KAT7: variants seen among roughly 807,000 people sequenced by gnomAD.
KAT7 encodes the protein histone acetyltransferase KAT7.
In KAT7, 10 loss-of-function variants were observed where a neutral mutation model predicts 82.1. The observed-to-expected ratio is 0.12, with a 90% CI of 0.08 to 0.21. KAT7 has a LOEUF of 0.21. KAT7 is among the 10% of genes least tolerant of loss of function. The pLI, the probability that KAT7 is intolerant of heterozygous loss-of-function variation, is 1.00. For missense variants in KAT7, 378 were observed against 760.9 expected, an observed-to-expected ratio of 0.50 and a Z score of 5.92; for synonymous variants, 250 against 262.5, an observed-to-expected ratio of 0.95 and a Z score of 0.46.
chr17:49,791,668 T>A (rs541938404), intron 1 of KAT7, among the ~76,000 whole-genome samples: 72 of 152,280 alleles, frequency 4.7e-4, no homozygotes, highest in Admixed American at 3.3e-4. Context: ...AGCTCTTCAT[T>A]TATTTAACAA....
At chr17:49,808,120 CTTTTTTTTTT>C (rs71146937) in intron 5 of KAT7, among the ~76,000 whole-genome samples, 1 of 112,780 alleles carries the variant, frequency 8.9e-6, no homozygotes, top group African/African-American at 3.4e-5. Context: ...CCCAGGTTTT[CTTTTTTTTTT>C]TTTTTTTTTT....
intron 2 of KAT7, 106 bp from the exon 3 acceptor site, chr17:49,796,644 G>A (rs752717646): frequency 1.2e-6 from 1 of 811,994 alleles, no homozygotes; most frequent in Non-Finnish European, 1.9e-6. Context: ...GTTGGATTTT[G>A]TGAAATATGA....
Position 49,788,785 on chromosome 17 carries a change from C to T in KAT7, c.-50C>T, listed in dbSNP as rs749186826. ...GAGCCCGCCGGAGCCACCGTTCCTG[C>T]TGCTGCCGCCGCTGCCCGAATCGGA... On this transcript the variant is annotated 5_prime_UTR_variant, in exon 1 of 15. Coordinates refer to ENST00000259021, the MANE Select transcript of KAT7 (RefSeq NM_007067.5). 30 of 1,559,224 alleles carry T rather than the reference C, an allele frequency of 1.9e-5. No individual in the cohort carries two copies. In the East Asian group the frequency reaches 6.2e-4, roughly 32 times the overall value.
intron 12 of KAT7, among the ~76,000 whole-genome samples, chr17:49,825,672 A>G (rs2074359993): frequency 6.6e-6 from 1 of 152,248 alleles, no homozygotes; most frequent in African/African-American, 2.4e-5. Flanking sequence ...GTTAAACTGT[A>G]GCATAGATAT....
chr17:49,818,164 G>T (rs995779960), intron 9 of KAT7, among the ~76,000 whole-genome samples, 153 bp downstream of exon 9: 2 of 152,202 alleles, frequency 1.3e-5, no homozygotes, highest in African/African-American at 2.4e-5. Context: ...CACAGCTTAA[G>T]GCGGGGTATA....
chr17:49,793,791 T>C (rs1348212743), intron 2 of KAT7, among the ~76,000 whole-genome samples: 1 of 152,064 alleles, frequency 6.6e-6, no homozygotes, highest in Non-Finnish European at 1.5e-5. Context: ...CAGGATAGTC[T>C]CAATCTCTTG....
chr17:49,831,225 G>C lies in KAT7; in HGVS notation c.*3723G>C. 1 of 152,338 alleles carries C rather than the reference G, an allele frequency of 6.6e-6. No homozygotes were observed. Among genetic ancestry groups the C allele is most frequent in the East Asian group, 1.9e-4 (1 of 5,198 alleles). The allele number at this position is 152,338 out of a possible 1,614,324, so 9.4% of individuals were successfully genotyped here. On this transcript the variant is annotated 3_prime_UTR_variant, in exon 15 of 15. Coordinates refer to ENST00000259021, the MANE Select transcript of KAT7 (RefSeq NM_007067.5). The stretch of plus-strand genomic sequence containing the variant: ...TGGGAGGCAGAAGTTGCAATGAGCT[G>C]AGATGATGCCACTGCACTCCAGCCT...
At chr17:49,793,234 C>T (rs2073912562) in intron 2 of KAT7, among the ~76,000 whole-genome samples, 1 of 152,222 alleles carries the variant, frequency 6.6e-6, no homozygotes, top group African/African-American at 2.4e-5. Context: ...AGGCCCACTT[C>T]TAAAACCATG....
intron 1 of KAT7, 190 bp downstream of exon 1, chr17:49,789,039 C>T: frequency 2.2e-6 from 1 of 449,258 alleles, no homozygotes; most frequent in South Asian, 6.1e-5. Context: ...CCTATGCTTG[C>T]AACTATTCCC....
At chr17:49,826,825 C>T (rs750598915) in intron 14 of KAT7, 26 bp downstream of exon 14, 32 of 1,449,490 alleles carry the variant, frequency 2.2e-5, no homozygotes, top group Non-Finnish European at 3.1e-5. Flanking sequence ...GGGGCTTGCT[C>T]ATTGCTGGAT....
intron 7 of KAT7, chr17:49,815,550 G>T: frequency 2.9e-6 from 1 of 346,142 alleles, no homozygotes. Flanking sequence ...TATCTTTTCA[G>T]AGATAGAAGA....
At chr17:49,789,009 G>A (rs2073846450) in intron 1 of KAT7, 160 bp downstream of exon 1, 1 of 579,830 alleles carries the variant, frequency 1.7e-6, no homozygotes, top group African/African-American at 2.0e-5. Flanking sequence ...AGAAAAATGT[G>A]GGCCCGACCC....
In KAT7 at chr17:49,805,564, T is replaced by C. The variant is rs922120133; in HGVS notation, c.663+119T>C. The C allele has an allele frequency of 2.4e-5, 14 of 588,470 alleles. No individual in the cohort carries two copies. The East Asian group carries it at 2.4e-4, about 10-fold the overall frequency. The allele number at this position is 588,470 out of a possible 1,614,324, so 36.5% of individuals were successfully genotyped here. A position where few individuals can be genotyped will look rare whatever the true frequency, so the allele number is the denominator to read the frequency against. Reference sequence around the variant, plus strand: ...GATGGGTAGGGTCCTTGTTCTTACATTGTAGTGGAGGAAACATAAAAAACA... The same window carrying C: ...GATGGGTAGGGTCCTTGTTCTTACACTGTAGTGGAGGAAACATAAAAAACA... On this transcript the variant is annotated intron_variant, in intron 5 of 14. Transcript: ENST00000259021.
At chr17:49,823,076 G>A (rs1598088649) in intron 11 of KAT7, 126 bp from the exon 12 acceptor site, 2 of 627,856 alleles carry the variant, frequency 3.2e-6, no homozygotes, top group South Asian at 1.8e-5. Context: ...TGTGAGCCTG[G>A]CAGCCACTCC....
At chr17:49,805,116 G>C (rs1176542373) in intron 4 of KAT7, among the ~76,000 whole-genome samples, 1 of 152,202 alleles carries the variant, frequency 6.6e-6, no homozygotes, top group African/African-American at 2.4e-5. Flanking sequence ...AGAAGTCTAA[G>C]AGCAGAAAGA....
At chr17:49,800,097 C>T (rs1257274376) in intron 4 of KAT7, among the ~76,000 whole-genome samples, 5 of 149,938 alleles carry the variant, frequency 3.3e-5, no homozygotes, top group East Asian at 3.9e-4. Context: ...CTGCAAGCTC[C>T]GCCTCCCGGG....
intron 1 of KAT7, chr17:49,789,415 C>T (rs1462431222): frequency 6.6e-6 from 1 of 151,952 alleles, no homozygotes; most frequent in Non-Finnish European, 1.5e-5. Flanking sequence ...GGTGGGAAGC[C>T]AGCGCCCACT....
intron 4 of KAT7, among the ~76,000 whole-genome samples, chr17:49,800,010 CTTT>C (rs10694119): frequency 2.0e-5 from 2 of 98,430 alleles, no homozygotes; most frequent in Admixed American, 1.3e-4. Flanking sequence ...GTTTCCTGGC[CTTT>C]TTTTTTTTTT....
At chr17:49,801,185 GTTTA>G (rs1312214302) in intron 4 of KAT7, among the ~76,000 whole-genome samples, 1 of 152,130 alleles carries the variant, frequency 6.6e-6, no homozygotes, top group Non-Finnish European at 1.5e-5. Context: ...ACTTGTATTT[GTTTA>G]TTTATTTATT....
Sources: gnomAD v4.1 joint callset for allele counts (sites outside exome capture counted in the v4.1 genomes callset) on GRCh38, gnomAD v4.1.1 for gene constraint, MANE v1.5 for transcripts, NCBI Gene and HGNC (gene_info 2026-07-23, HGNC 2026-07-21) for gene names.